Variants in ANKH observed in about 807,000 individuals in gnomAD.
ANKH encodes ANKH inorganic pyrophosphate transport regulator, also known as mineralization regulator ANKH.
ANKH carries 15 observed loss-of-function variants against 49.0 expected under a neutral mutation model. The observed-to-expected ratio is 0.31, with a 90% CI of 0.20 to 0.47. The LOEUF is 0.47. Ranked by LOEUF, ANKH falls within the 20% of genes least tolerant of loss-of-function variation. The probability of loss-of-function intolerance (pLI) is 1.00; values close to 1 mark genes in which losing one functional copy is unlikely to be tolerated. For synonymous variants in ANKH, 273 were observed against 260.0 expected (o/e 1.05, Z -0.48); for missense variants, 429 against 652.0 (o/e 0.66, Z 3.72).
intron 4 of ANKH, among the ~76,000 whole-genome samples, chr5:14,754,262 C>T (rs972779200): frequency 1.3e-5 from 2 of 151,258 alleles, no homozygotes; most frequent in Admixed American, 6.6e-5. Flanking sequence ...TTGGCAAAGT[C>T]TTTTTCAGAG....
At chr5:14,812,873 AC>A (rs1462233221) in intron 1 of ANKH, among the ~76,000 whole-genome samples, 2 of 152,252 alleles carry the variant, frequency 1.3e-5, no homozygotes, top group African/African-American at 4.8e-5. Flanking sequence ...CATTCAGTAA[AC>A]CAACATAAAT....
chr5:14,758,181 A>C (rs954903361), intron 3 of ANKH, among the ~76,000 whole-genome samples: 2 of 152,238 alleles, frequency 1.3e-5, no homozygotes, highest in Non-Finnish European at 2.9e-5. Flanking sequence ...CAAAAGTACA[A>C]ACGCTGTATG....
chr5:14,868,070 T>C (rs1735705149), intron 1 of ANKH, among the ~76,000 whole-genome samples: 1 of 152,204 alleles, frequency 6.6e-6, no homozygotes, highest in Non-Finnish European at 1.5e-5. Context: ...GTAATGTTCA[T>C]GGAGAATATC....
chr5:14,845,308 GA>G (rs1008128230), intron 1 of ANKH, among the ~76,000 whole-genome samples: 13 of 151,116 alleles, frequency 8.6e-5, no homozygotes, highest in Non-Finnish European at 1.8e-4. Flanking sequence ...GAGATTTGAA[GA>G]CATCACTGTT....
At chr5:14,798,202 C>G in intron 1 of ANKH, 2 of 1,590,632 alleles carry the variant, frequency 1.3e-6, no homozygotes, top group South Asian at 2.2e-5. Context: ...GTCCCCAGGA[C>G]AAGTCGATGA....
chr5:14,782,743 A>C (rs1739847266), intron 1 of ANKH, among the ~76,000 whole-genome samples: 1 of 152,174 alleles, frequency 6.6e-6, no homozygotes, highest in African/African-American at 2.4e-5. Flanking sequence ...AATGAGAATA[A>C]AAGAAATCAG....
intron 8 of ANKH, among the ~76,000 whole-genome samples, chr5:14,723,912 CT>C (rs1737745863): frequency 6.6e-6 from 1 of 152,192 alleles, no homozygotes; most frequent in African/African-American, 2.4e-5. Flanking sequence ...TGGGCTGCAG[CT>C]TTTTTATTCA....
chr5:14,806,688 G>A (rs942338567), intron 1 of ANKH, among the ~76,000 whole-genome samples: 12 of 152,048 alleles, frequency 7.9e-5, no homozygotes, highest in African/African-American at 2.2e-4. Context: ...AACCGGCTGC[G>A]GCAGCTCTTC....
intron 8 of ANKH, among the ~76,000 whole-genome samples, chr5:14,735,146 A>C (rs919285258): frequency 2.0e-5 from 3 of 152,218 alleles, no homozygotes; most frequent in Non-Finnish European, 4.4e-5. Flanking sequence ...TCCCCAGAGA[A>C]ACCTTTGGCA....
chr5:14,719,312 A>G (rs1347972046), intron 8 of ANKH, among the ~76,000 whole-genome samples: 3 of 152,266 alleles, frequency 2.0e-5, no homozygotes, highest in East Asian at 1.9e-4. Context: ...CAGGGCCTCA[A>G]AAGTTTTACC....
intron 1 of ANKH, among the ~76,000 whole-genome samples, chr5:14,865,567 A>T (rs1299964254): frequency 2.0e-5 from 3 of 152,140 alleles, no homozygotes; most frequent in Non-Finnish European, 4.4e-5. Context: ...CTTACAACAG[A>T]TCCCTGTCAT....
At chr5:14,773,323 A>ACATTTTATGT (rs1312812393) in intron 1 of ANKH, among the ~76,000 whole-genome samples, 8 of 142,236 alleles carry the variant, frequency 5.6e-5, no homozygotes, top group Admixed American at 1.4e-4. Context: ...GGAGGACTAG[A>ACATTTTATGT]CATTTTATGT....
chr5:14,758,444 G>A (rs1738971015), intron 3 of ANKH, 36 bp downstream of exon 3: 2 of 1,518,538 alleles, frequency 1.3e-6, no homozygotes, highest in African/African-American at 2.7e-5. Context: ...ACCAGTTAAA[G>A]AAAAAGAAAG....
At chr5:14,815,888 G>A (rs1230201751) in intron 1 of ANKH, among the ~76,000 whole-genome samples, 2 of 152,164 alleles carry the variant, frequency 1.3e-5, no homozygotes, top group Non-Finnish European at 2.9e-5. Context: ...CAGATCGAGG[G>A]CGCTGGCTAG....
chr5:14,803,495 G>A (rs931365839), intron 1 of ANKH, among the ~76,000 whole-genome samples: 17 of 152,136 alleles, frequency 1.1e-4, no homozygotes, highest in African/African-American at 4.1e-4. Flanking sequence ...GGCCAGGCTG[G>A]TCTCAAACTC....
chr5:14,775,852 ACAGGGG>A (rs1285916155), intron 1 of ANKH, among the ~76,000 whole-genome samples: 3 of 152,200 alleles, frequency 2.0e-5, no homozygotes, highest in African/African-American at 7.2e-5. Context: ...CAGAGGCAGG[ACAGGGG>A]CTGCCACTGG....
At chr5:14,774,911 T>C (rs921200358) in intron 1 of ANKH, among the ~76,000 whole-genome samples, 1 of 151,946 alleles carries the variant, frequency 6.6e-6, no homozygotes, top group Non-Finnish European at 1.5e-5. Context: ...TACTGTGATA[T>C]GTACTGAAGA....
chr5:14,717,204 T>C (rs1194485162), intron 8 of ANKH: 4 of 289,216 alleles, frequency 1.4e-5, no homozygotes, highest in Admixed American at 4.4e-5. Context: ...TTTATTCATA[T>C]AATTTTTACA....
Position 14,798,317 on chromosome 5 carries a change from G to C in ANKH, c.97-29126C>G, listed in dbSNP as rs1740455083. 3 of 1,575,530 alleles carry C rather than the reference G, an allele frequency of 1.9e-6. No individual in the cohort carries two copies. The African/African-American group carries it at 4.1e-5, about 21-fold the overall frequency. ...TCATCACCAAATTATAAAGAAAAGG[G>C]GTGTTCTTTTTCCATATTTTGTATT... On this transcript the variant is annotated intron_variant, in intron 1 of 11. Transcript: ENST00000284268.
Sources: gnomAD v4.1 joint callset for allele counts (sites outside exome capture counted in the v4.1 genomes callset) on GRCh38, gnomAD v4.1.1 for gene constraint, MANE v1.5 for transcripts, NCBI Gene and HGNC (gene_info 2026-07-23, HGNC 2026-07-21) for gene names.